DCLRE1C: variants seen among roughly 807,000 people sequenced by gnomAD.
The protein encoded by DCLRE1C is protein artemis.
Under a neutral mutation model 61.4 loss-of-function variants are expected in DCLRE1C, and 47 were observed. The ratio of observed to expected loss-of-function variants is 0.77; its 90% CI spans 0.61 to 0.98. The LOEUF (loss-of-function observed/expected upper bound fraction) is 0.98, where lower values mean the gene tolerates loss of function less well. Ranked by LOEUF, DCLRE1C falls within the 50% of genes least tolerant of loss-of-function variation. DCLRE1C has a pLI of 0.00. For missense variants in DCLRE1C, 858 were observed against 816.0 expected, an observed-to-expected ratio of 1.05 and a Z score of -0.63; for synonymous variants, 337 against 287.6, an observed-to-expected ratio of 1.17 and a Z score of -1.74.
chr10:14,932,045 A>C (rs986103921), intron 9 of DCLRE1C, among the ~76,000 whole-genome samples: 1 of 151,946 alleles, frequency 6.6e-6, no homozygotes, highest in Non-Finnish European at 1.5e-5. Context: ...AAATAAATAA[A>C]TAATAAATAA....
At chr10:14,948,193 G>T (rs936271176) in intron 2 of DCLRE1C, among the ~76,000 whole-genome samples, 2 of 151,078 alleles carry the variant, frequency 1.3e-5, no homozygotes, top group African/African-American at 4.9e-5. Flanking sequence ...GGGCAACATG[G>T]TAAGTCCCCG....
chr10:14,945,608 T>A, intron 2 of DCLRE1C: 1 of 1,008,614 alleles, frequency 9.9e-7, no homozygotes, highest in Non-Finnish European at 1.2e-6. Context: ...CTGGAAAAGG[T>A]GTGTTGAGAA....
At chr10:14,935,263 T>C (rs538010393) in intron 6 of DCLRE1C, among the ~76,000 whole-genome samples, 200 bp downstream of exon 6, 3 of 151,898 alleles carry the variant, frequency 2.0e-5, no homozygotes, top group Admixed American at 6.6e-5. Context: ...AGTCAGGAGT[T>C]CAAGACCAGC....
At chr10:14,948,022 C>T (rs1255037630) in intron 2 of DCLRE1C, among the ~76,000 whole-genome samples, 2 of 152,118 alleles carry the variant, frequency 1.3e-5, no homozygotes, top group Non-Finnish European at 2.9e-5. Context: ...TGCACTCCAG[C>T]CTGGGCGACA....
rs1352160815 is a variant in DCLRE1C, at chr10:14,904,760, G to C, written c.*3648C>G. 1.3e-5 allele frequency among the ~76,000 whole-genome samples: 2 copies of C among 152,150 alleles called. No individual in the cohort carries two copies. On this transcript the variant is annotated 3_prime_UTR_variant, in exon 14 of 14. Transcript: ENST00000378278. ...TTATTAAGGGGTTTAACTATTTTAAGTCAACATTTAGCTTATCCATCATAT... is the reference window on the plus strand; with the variant it reads ...TTATTAAGGGGTTTAACTATTTTAACTCAACATTTAGCTTATCCATCATAT...
chr10:14,950,817 G>A (rs1487665156), intron 1 of DCLRE1C, among the ~76,000 whole-genome samples: 7 of 152,192 alleles, frequency 4.6e-5, no homozygotes, highest in African/African-American at 1.7e-4. Context: ...AGAACTGGAT[G>A]GGTTTGCTTT....
intron 9 of DCLRE1C, among the ~76,000 whole-genome samples, chr10:14,930,910 C>T (rs936631810): frequency 1.3e-5 from 2 of 152,182 alleles, no homozygotes; most frequent in African/African-American, 2.4e-5. Flanking sequence ...TACACTGCAG[C>T]TCTCACCGTG....
rs1842842410 is a variant in DCLRE1C, at chr10:14,954,040, CA to C, written c.-31del. 1 of 1,613,470 alleles carries C rather than the reference CA, an allele frequency of 6.2e-7. No homozygotes were observed. The highest frequency in any genetic ancestry group is 8.5e-7 in the Non-Finnish European group (1 of 1,179,868). ...CCGCCGATCCCAGAGTCCGGGACCC[CA>C]AAACCGCAGCTGAAGCCAAGGCCAG... On this transcript the variant is annotated 5_prime_UTR_variant, in exon 1 of 14. Transcript: ENST00000378278.
Position 14,930,951 on chromosome 10 carries a change from C to G in DCLRE1C, c.780+1903G>C, listed in dbSNP as rs188296338. On this transcript the variant is annotated intron_variant, in intron 9 of 13. Coordinates refer to ENST00000378278, the MANE Select transcript of DCLRE1C (RefSeq NM_001033855.3). ...CAGGAAAACATTCCATGCTGTGGAT[C>G]AGAATTCTCTCTTGTTTGAAATTAT... Among the ~76,000 whole-genome samples the G allele has an allele frequency of 1.8e-3, 276 of 152,306 alleles. 4 individuals are homozygous for G. Among genetic ancestry groups the G allele is most frequent in the Admixed American group, 0.015 (236 of 15,298 alleles).
chr10:14,914,249 A>G (rs1251914655), intron 13 of DCLRE1C, among the ~76,000 whole-genome samples: 2 of 152,242 alleles, frequency 1.3e-5, no homozygotes, highest in African/African-American at 4.8e-5. Flanking sequence ...TGGCTCTAGT[A>G]GATTGTAGAA....
chr10:14,946,657 C>A (rs1038591858), intron 2 of DCLRE1C, among the ~76,000 whole-genome samples: 2 of 132,670 alleles, frequency 1.5e-5, no homozygotes, highest in Non-Finnish European at 3.2e-5. Flanking sequence ...GACAGACTCA[C>A]GCTAAAGAGA....
At chr10:14,938,839 C>A (rs1242031309) in intron 4 of DCLRE1C, among the ~76,000 whole-genome samples, 1 of 152,090 alleles carries the variant, frequency 6.6e-6, no homozygotes, top group African/African-American at 2.4e-5. Flanking sequence ...AATATCAACA[C>A]CAGGGTTCCC....
At chr10:14,909,978 AAAAC>A (rs767652363) in intron 13 of DCLRE1C, among the ~76,000 whole-genome samples, 217 of 152,348 alleles carry the variant, frequency 1.4e-3, no homozygotes, top group African/African-American at 4.8e-3. Context: ...CTTACTTAGA[AAAAC>A]AAATATTTTC....
intron 13 of DCLRE1C, among the ~76,000 whole-genome samples, chr10:14,918,274 T>C (rs1205633121): frequency 6.6e-6 from 1 of 152,196 alleles, no homozygotes; most frequent in African/African-American, 2.4e-5. Context: ...TTGTAGTATA[T>C]CCCTGAGGTG....
chr10:14,901,318 C>T, downstream of DCLRE1C: 6 of 1,604,908 alleles, frequency 3.7e-6, no homozygotes, highest in Non-Finnish European at 3.4e-6. Flanking sequence ...AGAATCAAAT[C>T]AGACTAGGAA....
chr10:14,917,706 A>G (rs560516159), intron 13 of DCLRE1C, among the ~76,000 whole-genome samples: 17 of 152,098 alleles, frequency 1.1e-4, no homozygotes, highest in Non-Finnish European at 2.9e-5. Context: ...TGCCTGTACT[A>G]CTTGGGAGGC....
intron 13 of DCLRE1C, among the ~76,000 whole-genome samples, chr10:14,910,611 G>GA (rs1261103755): frequency 6.6e-6 from 1 of 152,106 alleles, no homozygotes; most frequent in Non-Finnish European, 1.5e-5. Flanking sequence ...ACCTTTTTAT[G>GA]AAATATTTTT....
intron 2 of DCLRE1C, among the ~76,000 whole-genome samples, chr10:14,946,219 G>C (rs190801343): frequency 4.6e-5 from 7 of 151,072 alleles, no homozygotes; most frequent in African/African-American, 1.7e-4. Flanking sequence ...TGTTGGCCAG[G>C]CTGGTCTCGA....
At chr10:14,918,629 T>TTA (rs1554779682) in intron 13 of DCLRE1C, among the ~76,000 whole-genome samples, 12 of 138,586 alleles carry the variant, frequency 8.7e-5, no homozygotes, top group African/African-American at 2.9e-4. Flanking sequence ...AGCTGTTTTT[T>TTA]AAAAAAAAAA....
Sources: gnomAD v4.1 joint callset for allele counts (sites outside exome capture counted in the v4.1 genomes callset) on GRCh38, gnomAD v4.1.1 for gene constraint, MANE v1.5 for transcripts, NCBI Gene and HGNC (gene_info 2026-07-23, HGNC 2026-07-21) for gene names.